CASTOR1: variants seen among roughly 807,000 people sequenced by gnomAD.
CASTOR1 encodes the protein cytosolic arginine sensor for mTORC1 subunit 1, also known as GATS protein like 3.
Under a neutral mutation model 33.7 loss-of-function variants are expected in CASTOR1, and 18 were observed. The observed-to-expected ratio is 0.53, with a 90% CI of 0.37 to 0.79. CASTOR1 has a LOEUF of 0.79. Among genes scored for constraint, CASTOR1 ranks in the 30% least tolerant of loss-of-function variants. The probability of loss-of-function intolerance (pLI) is 0.00; values close to 1 mark genes in which losing one functional copy is unlikely to be tolerated. For missense variants in CASTOR1, 362 were observed against 446.3 expected, an observed-to-expected ratio of 0.81 and a Z score of 1.70; for synonymous variants, 175 against 190.6, an observed-to-expected ratio of 0.92 and a Z score of 0.67.
At chr22:30,289,200 G>T in intron 1 of CASTOR1, 185 bp downstream of exon 1, 1 of 591,154 alleles carries the variant, frequency 1.7e-6, no homozygotes, top group Non-Finnish European at 3.0e-6. Flanking sequence ...CCTGGGAGGG[G>T]GCCTCACGGG....
At chr22:30,288,618 G>T in intron 2 of CASTOR1, 88 bp downstream of exon 2, 2 of 1,161,580 alleles carry the variant, frequency 1.7e-6, no homozygotes, top group Non-Finnish European at 2.5e-6. Flanking sequence ...TAAGCTCTTG[G>T]GACGGATCCC....
chr22:30,288,636 G>A (rs1361092591), intron 2 of CASTOR1, 70 bp downstream of exon 2: 2 of 1,362,310 alleles, frequency 1.5e-6, no homozygotes, highest in East Asian at 4.6e-5. Flanking sequence ...CCCAGCAACT[G>A]GTGAGAACCC....
intron 5 of CASTOR1, 107 bp downstream of exon 5, chr22:30,286,718 C>CA: frequency 7.1e-7 from 1 of 1,414,262 alleles, no homozygotes; most frequent in South Asian, 1.2e-5. Flanking sequence ...CCAGGAACCC[C>CA]AAGAGAGGAC....
At chr22:30,287,609 C>T (rs745388479) in intron 2 of CASTOR1, 49 bp from the exon 3 acceptor site, 1 of 1,513,136 alleles carries the variant, frequency 6.6e-7, no homozygotes. Flanking sequence ...CTGGCCCCTG[C>T]CCCTCTCTGA....
In CASTOR1 at chr22:30,285,580, C is replaced by T. The variant is rs748428899; in HGVS notation, c.*40G>A. 2.4e-5 allele frequency: 35 copies of T among 1,468,356 alleles called. No individual in the cohort carries two copies. In the East Asian group the frequency reaches 3.2e-4, roughly 14 times the overall value. The allele number at this position is 1,468,356 out of a possible 1,614,324, so 91.0% of individuals were successfully genotyped here. ...TAGAGAAGTCTTTGGAAGCCTGGGT[C>T]GAGGGGAGAGCAGGGAGGCTGCTCT... On this transcript the variant is annotated 3_prime_UTR_variant, in exon 9 of 9. Coordinates refer to ENST00000407689, the MANE Select transcript of CASTOR1 (RefSeq NM_001037666.3).
intron 2 of CASTOR1, chr22:30,287,914 A>G: frequency 2.0e-6 from 1 of 512,310 alleles, no homozygotes; most frequent in South Asian, 1.5e-5. Context: ...TCTGTGGGTT[A>G]GCAGAAGCTT....
In CASTOR1 at chr22:30,288,788, T is replaced by G. The variant is rs199816784; in HGVS notation, c.114-12A>C. 4.0e-5 allele frequency: 65 copies of G among 1,605,908 alleles called. No individual in the cohort carries two copies. In the African/African-American group the frequency reaches 6.9e-4, roughly 17 times the overall value. On this transcript the variant is annotated splice_polypyrimidine_tract_variant and intron_variant, in intron 1 of 8. Transcript: ENST00000407689. ...TGAAGAACTTGCACCTGGTTGGGGG[T>G]GGGGAGCATCTTCAGCTTGGTGTGG...
intron 2 of CASTOR1, chr22:30,287,896 C>A (rs982705358): frequency 5.5e-6 from 3 of 542,846 alleles, no homozygotes; most frequent in South Asian, 3.1e-5. Flanking sequence ...TACCTCACTA[C>A]GGTGTCTTCT....
At position 30,286,351 on chromosome 22, in the gene CASTOR1, T is replaced by G. The variant is rs1929767559; in HGVS notation, c.655A>C (p.Ser219Arg). ...HSTPKEAASS[S>R]PEPSSITFFA... ...AACGTGATGGAGCTGGGTTCAGGAC[T>G]GCTAGAGGCTGCCTCCTTGGGGGTG... The change falls in exon 6 of 9, where the codon AGT (serine) becomes CGT (arginine). Residue 219 changes from serine to arginine, a missense_variant. Ser to Arg is a moderately radical substitution (Grantham distance 110). Coordinates refer to ENST00000407689, the MANE Select transcript of CASTOR1 (RefSeq NM_001037666.3). The G allele has an allele frequency of 6.2e-7, 1 of 1,613,920 alleles. No homozygotes were observed.
rs1929794879 is a variant in CASTOR1, at chr22:30,287,066, C to A, written c.505+89G>T. The A allele has an allele frequency of 5.8e-6, 9 of 1,548,750 alleles. No individual in the cohort carries two copies. In the East Asian group the frequency reaches 2.0e-4, roughly 35 times the overall value. Reference sequence around the variant, plus strand: ...TTGCTATCCAGGAACTGGCCGGGGTCCTCCTGCCCCACTGGGGCCCAAAAG... The same window carrying A: ...TTGCTATCCAGGAACTGGCCGGGGTACTCCTGCCCCACTGGGGCCCAAAAG... On this transcript the variant is annotated intron_variant, in intron 4 of 8. Coordinates refer to ENST00000407689, the MANE Select transcript of CASTOR1 (RefSeq NM_001037666.3).
At chr22:30,286,620 C>G (rs1929777238) in intron 5 of CASTOR1, 2 of 732,796 alleles carry the variant, frequency 2.7e-6, no homozygotes, top group Admixed American at 4.4e-5. Flanking sequence ...CAGGGCATGG[C>G]TCAGACGACC....
intron 2 of CASTOR1, 50 bp from the exon 3 acceptor site, chr22:30,287,610 C>A (rs1002474096): frequency 2.6e-6 from 4 of 1,513,334 alleles, no homozygotes; most frequent in Admixed American, 2.0e-5. Context: ...TGGCCCCTGC[C>A]CCTCTCTGAG....
Position 30,289,373 on chromosome 22 carries a change from C to G in CASTOR1, c.113+12G>C. ...CCAGCCCCTATCTGCGCTCCCGAAC[C>G]CGGGCGCGCACCGGCTGCGGCGGGG... On this transcript the variant is annotated intron_variant, in intron 1 of 8. Coordinates refer to ENST00000407689, the MANE Select transcript of CASTOR1 (RefSeq NM_001037666.3). 1 of 1,585,932 alleles carries G rather than the reference C, an allele frequency of 6.3e-7. No homozygotes were observed. The highest frequency in any genetic ancestry group is 8.6e-7 in the Non-Finnish European group (1 of 1,163,510).
In CASTOR1 at chr22:30,289,470, C is replaced by G; in HGVS notation, c.28G>C (p.Val10Leu). ...GGACGGGCGACGCTCAGCACCCGCA[C>G]CCGGTGTTCTAGGATGTGCAGCTCC... MELHILEHR[V>L]RVLSVARPGL... Residue 10 changes from valine (V) to leucine (L), a missense_variant, in exon 1 of 9, where the codon GTG becomes CTG. By Grantham distance (32) the Val-to-Leu change is conservative. Transcript: ENST00000407689. 6.3e-7 allele frequency: 1 copy of G among 1,597,746 alleles called. No individual in the cohort carries two copies. The highest frequency in any genetic ancestry group is 8.5e-7 in the Non-Finnish European group (1 of 1,176,190).
At chr22:30,288,533 G>A (rs1039126917) in intron 2 of CASTOR1, among the ~76,000 whole-genome samples, 173 bp downstream of exon 2, 2 of 152,164 alleles carry the variant, frequency 1.3e-5, no homozygotes, top group Non-Finnish European at 2.9e-5. Context: ...GAGAGGGAAA[G>A]TGATTTGCTC....
rs368151687 is a variant in CASTOR1, at chr22:30,287,484, C to T, written c.261G>A (p.Ala87=). 126 of 1,613,294 alleles carry T rather than the reference C, an allele frequency of 7.8e-5. No individual in the cohort carries two copies. Among genetic ancestry groups the T allele is most frequent in the Non-Finnish European group, 9.8e-5 (116 of 1,180,052 alleles). The part of the protein sequence containing the change: ...LVLNVSSHSG[A]AVQAAGVTKI... ...TGGTGACCCCAGCAGCCTGCACTGC[C>T]GCACCGCTGTGAGACGACACGTTCA... The change falls in exon 3 of 9, where the codon GCG becomes GCA. Residue 87 remains alanine, a synonymous_variant. Coordinates refer to ENST00000407689, the MANE Select transcript of CASTOR1 (RefSeq NM_001037666.3).
intron 2 of CASTOR1, 41 bp from the exon 3 acceptor site, chr22:30,287,601 G>C: frequency 1.9e-6 from 3 of 1,544,666 alleles, no homozygotes; most frequent in Non-Finnish European, 2.6e-6. Flanking sequence ...CTACAAGGCT[G>C]GCCCCTGCCC....
intron 5 of CASTOR1, 174 bp from the exon 6 acceptor site, chr22:30,286,550 G>C: frequency 1.5e-6 from 1 of 660,094 alleles, no homozygotes; most frequent in African/African-American, 1.8e-5. Flanking sequence ...TGGGGATGGG[G>C]GAGGACAATG....
In CASTOR1 at chr22:30,286,886, C is replaced by A; in HGVS notation, c.568G>T (p.Asp190Tyr). The A allele has an allele frequency of 6.2e-7, 1 of 1,614,124 alleles. No individual in the cohort carries two copies. The highest frequency in any genetic ancestry group is 8.5e-7 in the Non-Finnish European group (1 of 1,180,000). Residue 190 changes from aspartate (D) to tyrosine (Y), a missense_variant, in exon 5 of 9, where the codon GAC becomes TAC. Transcript: ENST00000407689. Reference protein sequence around the residue: ...PQNRFCVLTLDPETLPAIATT... With the variant: ...PQNRFCVLTLYPETLPAIATT... ...GCGATGGCTGGAAGCGTCTCAGGGT[C>A]CAGTGTGAGGACACAGAAGCGGTTC...
Sources: gnomAD v4.1 joint callset for allele counts (sites outside exome capture counted in the v4.1 genomes callset) on GRCh38, gnomAD v4.1.1 for gene constraint, MANE v1.5 for transcripts, NCBI Gene and HGNC (gene_info 2026-07-23, HGNC 2026-07-21) for gene names.